Variants in SUGCT observed in about 807,000 individuals in gnomAD.
The protein encoded by SUGCT is succinyl-CoA:glutarate CoA-transferase.
SUGCT carries 41 observed loss-of-function variants against 55.0 expected under a neutral mutation model. The observed-to-expected ratio is 0.74, with a 90% CI of 0.58 to 0.97. The LOEUF is 0.97. Among genes scored for constraint, SUGCT ranks in the 50% least tolerant of loss-of-function variants. The probability of loss-of-function intolerance (pLI) is 0.00; values close to 1 mark genes in which losing one functional copy is unlikely to be tolerated. For missense variants in SUGCT, 568 were observed against 547.8 expected (o/e 1.04, Z -0.37); for synonymous variants, 187 against 200.4 (o/e 0.93, Z 0.56).
chr7:40,209,367 A>T (rs1787197487), intron 6 of SUGCT, among the ~76,000 whole-genome samples: 2 of 152,120 alleles, frequency 1.3e-5, no homozygotes, highest in Admixed American at 1.3e-4. Flanking sequence ...GCGTGGTGGC[A>T]CTTGCCTGTA....
the SUGCT span, among the ~76,000 whole-genome samples, chr7:40,952,835 T>A: frequency 6.6e-6 from 1 of 152,244 alleles, no homozygotes; most frequent in South Asian, 2.1e-4. Context: ...GTTAGTCTGA[T>A]GGGCTTCCCT....
At chr7:40,283,744 G>A (rs564204624) in intron 8 of SUGCT, among the ~76,000 whole-genome samples, 164 of 152,228 alleles carry the variant, frequency 1.1e-3, no homozygotes, top group African/African-American at 3.7e-3. Context: ...TAGTATAGCC[G>A]TTATGGAAAA....
intron 9 of SUGCT, among the ~76,000 whole-genome samples, chr7:40,336,030 G>A (rs915765648): frequency 6.6e-6 from 1 of 152,148 alleles, no homozygotes; most frequent in Non-Finnish European, 1.5e-5. Flanking sequence ...TTTTGGTTCT[G>A]TTTATATGCT....
In SUGCT at chr7:40,316,716, A is replaced by T. The variant is rs10245165; in HGVS notation, c.721-44A>T. ...TAACGTTCTCTTTATGAGTATAGATAAACTAGCTGTTCTATTTTATTTATT... is the reference window on the plus strand; with the variant it reads ...TAACGTTCTCTTTATGAGTATAGATTAACTAGCTGTTCTATTTTATTTATT... On this transcript the variant is annotated intron_variant, in intron 8 of 13. Transcript: ENST00000335693. 806,117 of 1,268,516 alleles carry T rather than the reference A, an allele frequency of 0.64. 260,623 individuals are homozygous for T. The highest frequency in any genetic ancestry group is 0.67 in the Non-Finnish European group (599,549 of 890,550). 78.6% of individuals were successfully genotyped at this position (1,268,516 alleles called of 1,614,324 possible). A position where few individuals can be genotyped will look rare whatever the true frequency, so the allele number is the denominator to read the frequency against.
chr7:40,995,668 A>C, the SUGCT span, among the ~76,000 whole-genome samples: 1 of 151,336 alleles, frequency 6.6e-6, no homozygotes, highest in South Asian at 2.1e-4. Context: ...TCGTATCATC[A>C]TCATCATCAC....
intron 12 of SUGCT, among the ~76,000 whole-genome samples, chr7:40,533,863 G>A (rs2151600735): frequency 6.6e-6 from 1 of 152,124 alleles, no homozygotes; most frequent in East Asian, 1.9e-4. Context: ...CTCCCTATTG[G>A]TTAAAATATT....
intron 12 of SUGCT, among the ~76,000 whole-genome samples, chr7:40,567,394 G>T (rs1796209902): frequency 1.3e-5 from 2 of 152,154 alleles, no homozygotes; most frequent in African/African-American, 4.8e-5. Context: ...ACTCAGTAGG[G>T]ATAATCATTA....
intron 12 of SUGCT, among the ~76,000 whole-genome samples, chr7:40,617,795 C>G (rs1425439285): frequency 6.6e-6 from 1 of 151,984 alleles, no homozygotes; most frequent in Non-Finnish European, 1.5e-5. Flanking sequence ...AGTGATATAA[C>G]CCTTGTGCTA....
intron 12 of SUGCT, among the ~76,000 whole-genome samples, chr7:40,728,421 A>G (rs1462040960): frequency 1.3e-5 from 2 of 152,208 alleles, no homozygotes; most frequent in Admixed American, 6.5e-5. Context: ...TGGGAGGCTG[A>G]GGCAGGAGAA....
intron 11 of SUGCT, among the ~76,000 whole-genome samples, chr7:40,495,571 A>G (rs1791928772): frequency 6.6e-6 from 1 of 152,192 alleles, no homozygotes; most frequent in South Asian, 2.1e-4. Context: ...TTTTACAGAG[A>G]AGAAATATAA....
the SUGCT span, among the ~76,000 whole-genome samples, chr7:40,897,291 G>T: frequency 1.3e-5 from 2 of 152,242 alleles, no homozygotes; most frequent in African/African-American, 4.8e-5. Context: ...TTGACATTGG[G>T]CAAAGACTTT....
intron 13 of SUGCT, among the ~76,000 whole-genome samples, chr7:40,830,659 C>T (rs566281465): frequency 3.3e-5 from 5 of 152,148 alleles, no homozygotes; most frequent in East Asian, 1.9e-4. Flanking sequence ...TCTAAGGTGG[C>T]GCCAGGCCTA....
At position 40,695,633 on chromosome 7, in the gene SUGCT, A is replaced by G. The variant is rs147481586; in HGVS notation, c.1090-53801A>G. 1.9e-3 allele frequency among the ~76,000 whole-genome samples: 297 copies of G among 152,326 alleles called. 1 individual carries two copies. The highest frequency in any genetic ancestry group is 7.0e-3 in the African/African-American group (291 of 41,572). ...AATGATCATAACTACAATAGCAAAT[A>G]TTACTGAGAGCTACAAAGGCTTTTT... On this transcript the variant is annotated intron_variant, in intron 12 of 13. Coordinates refer to ENST00000335693, the MANE Select transcript of SUGCT (RefSeq NM_001193313.2).
In SUGCT at chr7:40,684,492, A is replaced by T. The variant is rs143078162; in HGVS notation, c.1090-64942A>T. Among the ~76,000 whole-genome samples, 126 of 152,362 alleles carry T rather than the reference A, an allele frequency of 8.3e-4. No homozygotes were observed. In the East Asian group the frequency reaches 0.011, roughly 13 times the overall value. On this transcript the variant is annotated intron_variant, in intron 12 of 13. Coordinates refer to ENST00000335693, the MANE Select transcript of SUGCT (RefSeq NM_001193313.2). ...AGTAGTATGGATAGATTTATAATGAAAAACAGCATAACCTTGTGCCACCTC... is the reference window on the plus strand; with the variant it reads ...AGTAGTATGGATAGATTTATAATGATAAACAGCATAACCTTGTGCCACCTC...
the SUGCT span, among the ~76,000 whole-genome samples, chr7:40,954,716 C>G: frequency 1.2e-4 from 18 of 152,252 alleles, no homozygotes; most frequent in South Asian, 3.7e-3. Context: ...TTTACCCATG[C>G]CTATGTCCTG....
At chr7:40,266,480 C>T (rs1791588490) in intron 7 of SUGCT, among the ~76,000 whole-genome samples, 1 of 151,922 alleles carries the variant, frequency 6.6e-6, no homozygotes, top group South Asian at 2.1e-4. Flanking sequence ...AAAAAAGTTG[C>T]ACAAGTAGTA....
intron 6 of SUGCT, among the ~76,000 whole-genome samples, chr7:40,199,675 T>A (rs7784511): frequency 0.051 from 7,828 of 152,272 alleles, 273 homozygotes; most frequent in Middle Eastern, 0.11. Context: ...AAATGTTATT[T>A]CTCCTGTTCT....
At chr7:40,639,842 C>T (rs1800190025) in intron 12 of SUGCT, among the ~76,000 whole-genome samples, 1 of 152,090 alleles carries the variant, frequency 6.6e-6, no homozygotes. Flanking sequence ...AAGAATTAAA[C>T]TCACTGTCTG....
intron 9 of SUGCT, among the ~76,000 whole-genome samples, chr7:40,319,828 A>C (rs1046950577): frequency 1.3e-5 from 2 of 152,036 alleles, no homozygotes; most frequent in Non-Finnish European, 2.9e-5. Context: ...TTATGTATTT[A>C]TTTATTATTT....
Sources: allele counts gnomAD v4.1 joint callset (sites outside exome capture counted in the v4.1 genomes callset), GRCh38; gene constraint gnomAD v4.1.1; transcripts MANE v1.5; gene names NCBI Gene and HGNC (gene_info 2026-07-23, HGNC 2026-07-21).